The following SPG21 variants were observed in gnomAD, a reference collection of about 807,000 sequenced individuals.
SPG21 encodes the protein SPG21 abhydrolase domain containing, maspardin.
A neutral mutation model predicts 38.9 loss-of-function variants in SPG21; 26 were observed. That is an observed-to-expected ratio of 0.67 (90% CI 0.49 to 0.93). SPG21 has a LOEUF of 0.93. Among genes scored for constraint, SPG21 ranks in the 40% least tolerant of loss-of-function variants. SPG21 has a pLI of 0.00. For synonymous variants in SPG21, 136 were observed against 128.9 expected, an observed-to-expected ratio of 1.05 and a Z score of -0.37; for missense variants, 333 against 376.5, an observed-to-expected ratio of 0.88 and a Z score of 0.96.
At chr15:64,987,694 T>C (rs2086023014) in intron 1 of SPG21, among the ~76,000 whole-genome samples, 1 of 152,252 alleles carries the variant, frequency 6.6e-6, no homozygotes, top group African/African-American at 2.4e-5. Flanking sequence ...CAGGGTGTGC[T>C]GTGGACTCCC....
At position 64,963,434 on chromosome 15, in the gene SPG21, G is replaced by C. The variant is rs1254557503; in HGVS notation, c.*186C>G. ...TCAAAAGCTAAGAAAACCAAAGAGG[G>C]AACAGTTACACAGGCTTAGTGGAGA... On this transcript the variant is annotated 3_prime_UTR_variant, in exon 9 of 9. Coordinates refer to ENST00000204566, the MANE Select transcript of SPG21 (RefSeq NM_016630.7). The C allele has an allele frequency of 2.0e-5, 12 of 588,316 alleles. No individual in the cohort carries two copies. In the Admixed American group the frequency reaches 3.5e-4, roughly 17 times the overall value. 36.4% of individuals were successfully genotyped at this position (588,316 alleles called of 1,614,324 possible).
chr15:64,983,607 A>G lies in SPG21; in HGVS notation c.-24-14T>C. The G allele has an allele frequency of 7.0e-7, 1 of 1,432,134 alleles. No homozygotes were observed. Among genetic ancestry groups the G allele is most frequent in the Non-Finnish European group, 9.7e-7 (1 of 1,035,212 alleles). 88.7% of individuals were successfully genotyped at this position (1,432,134 alleles called of 1,614,324 possible). ...TGGAGGTTAATCCTGAAATAAAAGC[A>G]TGTGATATTTCACGTCAAGAATTCA... On this transcript the variant is annotated splice_polypyrimidine_tract_variant and intron_variant, in intron 1 of 8. Transcript: ENST00000204566.
chr15:64,963,823 C>G lies in SPG21; in HGVS notation c.811-87G>C, dbSNP rs1595865124. The G allele has an allele frequency of 2.5e-6, 3 of 1,218,230 alleles. No individual in the cohort carries two copies. In the East Asian group the frequency reaches 7.4e-5, roughly 30 times the overall value. The allele number at this position is 1,218,230 out of a possible 1,614,324, so 75.5% of individuals were successfully genotyped here. A position where few individuals can be genotyped will look rare whatever the true frequency, so the allele number is the denominator to read the frequency against. ...CCAGGCTGGAGTGCAGTGGCACTAT[C>G]TTGGTTCACTCCAACCTCCGCCTCC... On this transcript the variant is annotated intron_variant, in intron 8 of 8. Transcript: ENST00000204566.
At chr15:64,984,693 C>T (rs1385836320) in intron 1 of SPG21, among the ~76,000 whole-genome samples, 1 of 151,636 alleles carries the variant, frequency 6.6e-6, no homozygotes, top group Non-Finnish European at 1.5e-5. Context: ...CTGATAAATT[C>T]GCAATACACC....
chr15:64,970,005 T>C (rs2085628889), intron 6 of SPG21, 109 bp downstream of exon 6: 1 of 941,474 alleles, frequency 1.1e-6, no homozygotes, highest in African/African-American at 1.6e-5. Context: ...TTACTCTGCT[T>C]AGCAAATACC....
At chr15:64,980,443 T>TA (rs1490836036) in intron 3 of SPG21, among the ~76,000 whole-genome samples, 1 of 151,868 alleles carries the variant, frequency 6.6e-6, no homozygotes. Context: ...TTTCCTCAAT[T>TA]AAAAAAACTG....
chr15:64,967,831 T>A (rs1166466365), intron 7 of SPG21, among the ~76,000 whole-genome samples: 1 of 152,076 alleles, frequency 6.6e-6, no homozygotes, highest in African/African-American at 2.4e-5. Context: ...GGTCTCGAAT[T>A]CCTGGGCTCA....
At chr15:64,964,756 G>A (rs549046041) in intron 8 of SPG21, among the ~76,000 whole-genome samples, 4 of 151,986 alleles carry the variant, frequency 2.6e-5, no homozygotes, top group Admixed American at 6.6e-5. Context: ...TCAGCCTCCC[G>A]AGTAGCTGGG....
At chr15:64,974,490 G>T in intron 5 of SPG21, 112 bp downstream of exon 5, 1 of 1,307,746 alleles carries the variant, frequency 7.6e-7, no homozygotes, top group Non-Finnish European at 1.1e-6. Flanking sequence ...AAAAGCCAAG[G>T]AAGTTGCAGA....
chr15:64,971,560 CCAGGCGCAAT>C (rs2085664225), intron 5 of SPG21, among the ~76,000 whole-genome samples: 4 of 149,892 alleles, frequency 2.7e-5, no homozygotes, highest in Admixed American at 2.7e-4. Flanking sequence ...ATTTACTGAG[CCAGGCGCAAT>C]GGCTCATGCC....
intron 2 of SPG21, among the ~76,000 whole-genome samples, chr15:64,982,598 G>A (rs545908460): frequency 1.2e-4 from 18 of 152,232 alleles, no homozygotes; most frequent in Admixed American, 1.0e-3. Flanking sequence ...TAAGATCACT[G>A]GATTCTAACA....
Position 64,974,632 on chromosome 15 carries a change from G to C in SPG21, c.422C>G (p.Ser141Cys). Residue 141 changes from serine to cysteine, a missense_variant, in exon 5 of 9, where the codon TCT becomes TGT. Transcript: ENST00000204566. ...LILCNSFSDT[S>C]IFNQTWTANS... Reference sequence around the variant, plus strand: ...TGCAGTCCAAGTTTGGTTGAAGATAGAGGTGTCACTGAAGGAATTGCAGAG... The same window carrying C: ...TGCAGTCCAAGTTTGGTTGAAGATACAGGTGTCACTGAAGGAATTGCAGAG... 6.2e-7 allele frequency: 1 copy of C among 1,614,208 alleles called. No homozygotes were observed. The highest frequency in any genetic ancestry group is 2.2e-5 in the East Asian group (1 of 44,880).
intron 7 of SPG21, among the ~76,000 whole-genome samples, chr15:64,967,764 C>G (rs2085572240): frequency 6.6e-6 from 1 of 152,096 alleles, no homozygotes; most frequent in South Asian, 2.1e-4. Flanking sequence ...AGCCACCGCG[C>G]CCGGCCTAAT....
intron 6 of SPG21, 76 bp downstream of exon 6, chr15:64,970,038 G>T: frequency 1.7e-6 from 2 of 1,163,990 alleles, no homozygotes; most frequent in Non-Finnish European, 2.6e-6. Flanking sequence ...TTGTGAGACA[G>T]ATCTATCTTC....
chr15:64,987,730 G>A (rs1157447868), intron 1 of SPG21, among the ~76,000 whole-genome samples: 1 of 152,170 alleles, frequency 6.6e-6, no homozygotes, highest in African/African-American at 2.4e-5. Context: ...TTGTGCTGCT[G>A]GACAATAAAA....
intron 4 of SPG21, among the ~76,000 whole-genome samples, chr15:64,975,927 T>C (rs979887182): frequency 6.6e-6 from 1 of 151,762 alleles, no homozygotes; most frequent in African/African-American, 2.4e-5. Flanking sequence ...GAGATAAAAA[T>C]AAATTAGGTT....
chr15:64,973,245 G>A (rs545246429), intron 5 of SPG21, among the ~76,000 whole-genome samples: 6 of 151,786 alleles, frequency 4.0e-5, no homozygotes, highest in South Asian at 2.1e-4. Flanking sequence ...TTGGGAGTAC[G>A]GCATGAGCCA....
In SPG21 at chr15:64,981,064, TA is replaced by T. The variant is rs2085876608; in HGVS notation, c.64-40del. 2.5e-6 allele frequency: 4 copies of T among 1,613,028 alleles called. No homozygotes were observed. In the South Asian group the frequency reaches 3.3e-5, roughly 13 times the overall value. ...TAAAAGAAAAAAGTGGAAAACCTTA[TA>T]AATTTGCTTTTTATGTTATTTTACA... On this transcript the variant is annotated intron_variant, in intron 2 of 8. Coordinates refer to ENST00000204566, the MANE Select transcript of SPG21 (RefSeq NM_016630.7).
intron 4 of SPG21, among the ~76,000 whole-genome samples, chr15:64,975,842 A>T (rs2085762453): frequency 6.6e-6 from 1 of 152,162 alleles, no homozygotes; most frequent in African/African-American, 2.4e-5. Context: ...AATGCTAAAT[A>T]AAAAAAGCCA....
Sources: gnomAD v4.1 joint callset for allele counts (sites outside exome capture counted in the v4.1 genomes callset) on GRCh38, gnomAD v4.1.1 for gene constraint, MANE v1.5 for transcripts, NCBI Gene and HGNC (gene_info 2026-07-23, HGNC 2026-07-21) for gene names.